Variants in TENM2 observed in about 807,000 individuals in gnomAD.
The protein encoded by TENM2 is teneurin transmembrane protein 2.
In TENM2, 52 loss-of-function variants were observed where a neutral mutation model predicts 245.2. The observed-to-expected ratio is 0.21, with a 90% CI of 0.17 to 0.27. The LOEUF (loss-of-function observed/expected upper bound fraction) is 0.27, where lower values mean the gene tolerates loss of function less well. Among genes scored for constraint, TENM2 ranks in the 10% least tolerant of loss-of-function variants. TENM2 has a pLI of 1.00. For synonymous variants in TENM2, 1,363 were observed against 1,438.9 expected (o/e 0.95, Z 1.19); for missense variants, 3,046 against 3,666.8 (o/e 0.83, Z 4.37).
At chr5:167,862,238 AGTAT>A (rs1013993397) in intron 2 of TENM2, among the ~76,000 whole-genome samples, 30 of 134,960 alleles carry the variant, frequency 2.2e-4, no homozygotes, top group African/African-American at 8.6e-4. Flanking sequence ...GTCAATTTAG[AGTAT>A]GTGTGTGTGT....
chr5:167,521,746 G>C (rs1335005638), intron 2 of TENM2, among the ~76,000 whole-genome samples: 1 of 152,118 alleles, frequency 6.6e-6, no homozygotes, highest in Non-Finnish European at 1.5e-5. Flanking sequence ...GAATCCAAAT[G>C]TGACTTGACC....
chr5:168,086,451 C>T (rs564862015), intron 7 of TENM2, among the ~76,000 whole-genome samples: 10 of 152,232 alleles, frequency 6.6e-5, no homozygotes, highest in African/African-American at 2.4e-4. Flanking sequence ...TGCATGCCAA[C>T]GTGGGTTATT....
intron 4 of TENM2, among the ~76,000 whole-genome samples, chr5:167,979,419 C>T (rs777910242): frequency 2.6e-5 from 4 of 152,190 alleles, no homozygotes; most frequent in Middle Eastern, 6.8e-3. Context: ...ATAAGGATCA[C>T]GTACATTTAC....
At chr5:167,872,022 G>C (rs1772869333) in intron 2 of TENM2, among the ~76,000 whole-genome samples, 1 of 152,064 alleles carries the variant, frequency 6.6e-6, no homozygotes, top group Non-Finnish European at 1.5e-5. Flanking sequence ...GGGCTGGCAT[G>C]ATGGTTCATG....
At chr5:167,161,440 G>A in the TENM2 span, among the ~76,000 whole-genome samples, 1 of 152,098 alleles carries the variant, frequency 6.6e-6, no homozygotes, top group Non-Finnish European at 1.5e-5. Context: ...AGGGGAGGAA[G>A]GTAATGTCTT....
intron 2 of TENM2, among the ~76,000 whole-genome samples, chr5:167,400,936 C>T (rs1411450906): frequency 6.6e-6 from 1 of 151,996 alleles, no homozygotes; most frequent in East Asian, 1.9e-4. Context: ...ATTAAAATGC[C>T]TAACAAAGGC....
chr5:167,330,579 A>C (rs1757380931), intron 1 of TENM2, among the ~76,000 whole-genome samples: 1 of 152,078 alleles, frequency 6.6e-6, no homozygotes, highest in South Asian at 2.1e-4. Context: ...CTGGGCACTC[A>C]TGAGTATCCA....
intron 2 of TENM2, among the ~76,000 whole-genome samples, chr5:167,381,492 T>C (rs568677246): frequency 5.3e-5 from 8 of 152,302 alleles, no homozygotes; most frequent in African/African-American, 1.7e-4. Context: ...CATTTTTAGA[T>C]TAACAACCAA....
intron 3 of TENM2, among the ~76,000 whole-genome samples, chr5:167,886,051 G>A (rs920272904): frequency 6.6e-6 from 1 of 152,144 alleles, no homozygotes. Flanking sequence ...CTCCCTCATA[G>A]CAATGAGTTA....
At chr5:168,020,161 T>A (rs759962865) in intron 5 of TENM2, among the ~76,000 whole-genome samples, 1 of 152,172 alleles carries the variant, frequency 6.6e-6, no homozygotes, top group Non-Finnish European at 1.5e-5. Flanking sequence ...ATCAGTCAAG[T>A]TCATTTAGAC....
intron 2 of TENM2, among the ~76,000 whole-genome samples, chr5:167,475,249 C>T (rs1221300987): frequency 2.6e-5 from 4 of 152,016 alleles, no homozygotes; most frequent in Non-Finnish European, 4.4e-5. Context: ...TCACATGTAC[C>T]TAGAACAGCC....
chr5:167,287,075 G>A (rs1478524915), intron 1 of TENM2, among the ~76,000 whole-genome samples: 1 of 152,210 alleles, frequency 6.6e-6, no homozygotes, highest in Non-Finnish European at 1.5e-5. Flanking sequence ...GAAGGTATTT[G>A]CATATGCAAG....
At position 168,215,713 on chromosome 5, in the gene TENM2, T is replaced by C. The variant is rs1042294691; in HGVS notation, c.4078+441T>C. Among the ~76,000 whole-genome samples, 3 of 152,218 alleles carry C rather than the reference T, an allele frequency of 2.0e-5. No homozygotes were observed. In the South Asian group the frequency reaches 6.2e-4, roughly 31 times the overall value. On this transcript the variant is annotated intron_variant, in intron 21 of 28. Coordinates refer to ENST00000518659, the Ensembl canonical transcript of TENM2. Reference sequence around the variant, plus strand: ...TTATTTATTTATTTGAAGAAAACTTTATCATGCACATAGGCTCCAAGTGGA... The same window carrying C: ...TTATTTATTTATTTGAAGAAAACTTCATCATGCACATAGGCTCCAAGTGGA...
chr5:167,945,453 G>T (rs1184462685), intron 3 of TENM2, among the ~76,000 whole-genome samples: 3 of 152,102 alleles, frequency 2.0e-5, no homozygotes, highest in Non-Finnish European at 4.4e-5. Flanking sequence ...TGCTTTAAAG[G>T]TTATTGTAAG....
intron 2 of TENM2, among the ~76,000 whole-genome samples, chr5:167,535,029 T>G (rs1239050872): frequency 6.6e-6 from 1 of 152,122 alleles, no homozygotes; most frequent in Non-Finnish European, 1.5e-5. Context: ...AAAATAGTTG[T>G]CTATTTTCTT....
chr5:167,790,346 C>G (rs1241829485), intron 2 of TENM2, among the ~76,000 whole-genome samples: 1 of 152,002 alleles, frequency 6.6e-6, no homozygotes, highest in African/African-American at 2.4e-5. Flanking sequence ...AATTTTTAAG[C>G]TAAAAAAAGG....
intron 1 of TENM2, among the ~76,000 whole-genome samples, chr5:167,333,043 A>G (rs891197066): frequency 6.6e-6 from 1 of 152,204 alleles, no homozygotes; most frequent in Non-Finnish European, 1.5e-5. Flanking sequence ...AACCCCAGAA[A>G]CAGTAGTGCG....
chr5:167,035,937 T>C, the TENM2 span, among the ~76,000 whole-genome samples: 3 of 152,134 alleles, frequency 2.0e-5, no homozygotes, highest in Non-Finnish European at 2.9e-5. Flanking sequence ...GAGATGGGCT[T>C]TCACCATGTT....
chr5:167,439,620 A>G (rs1344246455), intron 2 of TENM2, among the ~76,000 whole-genome samples: 1 of 152,222 alleles, frequency 6.6e-6, no homozygotes, highest in Non-Finnish European at 1.5e-5. Context: ...CACTGCATAT[A>G]ATAATAATGA....
Sources: allele counts gnomAD v4.1 joint callset (sites outside exome capture counted in the v4.1 genomes callset), GRCh38; gene constraint gnomAD v4.1.1; transcripts MANE v1.5; gene names NCBI Gene and HGNC (gene_info 2026-07-23, HGNC 2026-07-21).